Variants in ZPBP observed in about 807,000 individuals in gnomAD.
ZPBP encodes the protein zona pellucida-binding protein 1.
ZPBP carries 26 observed loss-of-function variants against 44.8 expected under a neutral mutation model. The observed-to-expected ratio is 0.58, with a 90% CI of 0.43 to 0.81. The LOEUF (loss-of-function observed/expected upper bound fraction) is 0.81, where lower values mean the gene tolerates loss of function less well. Among genes scored for constraint, ZPBP ranks in the 30% least tolerant of loss-of-function variants. The probability of loss-of-function intolerance (pLI) is 0.00; values close to 1 mark genes in which losing one functional copy is unlikely to be tolerated. For missense variants in ZPBP, 409 were observed against 434.0 expected (o/e 0.94, Z 0.51); for synonymous variants, 174 against 153.2 (o/e 1.14, Z -1.00).
At chr7:49,850,697 A>G (rs1790141757) in intron 2 of ZPBP, among the ~76,000 whole-genome samples, 1 of 152,252 alleles carries the variant, frequency 6.6e-6, no homozygotes, top group South Asian at 2.1e-4. Context: ...GTGTCAGACA[A>G]CTTGTGTTCA....
intron 5 of ZPBP, among the ~76,000 whole-genome samples, chr7:50,025,832 T>C (rs1159830674): frequency 1.3e-4 from 19 of 151,674 alleles, no homozygotes; most frequent in Admixed American, 2.6e-4. Flanking sequence ...CCACACAACA[T>C]AGAAAATGTG....
intron 1 of ZPBP, among the ~76,000 whole-genome samples, chr7:49,930,650 A>G (rs1448024943): frequency 6.6e-6 from 1 of 152,224 alleles, no homozygotes; most frequent in Non-Finnish European, 1.5e-5. Context: ...AGAAATTGGT[A>G]TAATCCTTAG....
intron 6 of ZPBP, among the ~76,000 whole-genome samples, chr7:49,992,913 T>G (rs1391220246): frequency 6.6e-6 from 1 of 152,008 alleles, no homozygotes; most frequent in Non-Finnish European, 1.5e-5. Context: ...AAACAGACAC[T>G]GATATTCTGA....
At chr7:49,859,784 GTGCGTGCACACA>G (rs1314486050) in intron 2 of ZPBP, among the ~76,000 whole-genome samples, 2 of 71,482 alleles carry the variant, frequency 2.8e-5, no homozygotes, top group Non-Finnish European at 5.6e-5. Context: ...TACAGTGCGC[GTGCGTGCACACA>G]CACACACACA....
rs567997433 is a variant in ZPBP at position 49,877,369 on chromosome 7, A to G, written n.509+23749T>C. Among the ~76,000 whole-genome samples the G allele has an allele frequency of 2.7e-5, 4 of 147,502 alleles. No individual in the cohort carries two copies. The South Asian group carries it at 8.7e-4, about 32-fold the overall frequency. On this transcript the variant is annotated intron_variant and non_coding_transcript_variant, in intron 2 of 2. Coordinates refer to the ZPBP transcript ENST00000465922. ...CCCAGCTACTTGGGAGGCTGAGACA[A>G]GAGAATCACTTGAACCTGGGAGGCA...
At chr7:50,080,841 G>T (rs1270612679) in intron 3 of ZPBP, among the ~76,000 whole-genome samples, 1 of 151,682 alleles carries the variant, frequency 6.6e-6, no homozygotes, top group Non-Finnish European at 1.5e-5. Context: ...CTTTGCTAGT[G>T]TAGTGAGGCA....
chr7:49,848,400 A>G (rs1790043456), downstream of ZPBP, among the ~76,000 whole-genome samples: 1 of 152,186 alleles, frequency 6.6e-6, no homozygotes. Context: ...AGTGTGTGAG[A>G]GCCGGGCATG....
intron 3 of ZPBP, among the ~76,000 whole-genome samples, chr7:50,067,348 T>G (rs982678450): frequency 9.2e-5 from 14 of 152,194 alleles, no homozygotes; most frequent in African/African-American, 3.4e-4. Flanking sequence ...AAAATCTTTT[T>G]TTTTCCTTCG....
At chr7:50,036,664 A>G (rs1015088209) in intron 4 of ZPBP, among the ~76,000 whole-genome samples, 25 of 152,216 alleles carry the variant, frequency 1.6e-4, no homozygotes, top group Admixed American at 6.5e-5. Flanking sequence ...AAATCATAGT[A>G]AATATGACTA....
intron 4 of ZPBP, among the ~76,000 whole-genome samples, chr7:50,036,159 C>A (rs959121377): frequency 6.6e-6 from 1 of 152,092 alleles, no homozygotes; most frequent in African/African-American, 2.4e-5. Flanking sequence ...AAATATGTTT[C>A]TTTGTTTGTT....
chr7:49,960,430 CA>C (rs573846294), intron 7 of ZPBP, among the ~76,000 whole-genome samples: 93 of 140,932 alleles, frequency 6.6e-4, no homozygotes, highest in Non-Finnish European at 1.0e-3. Flanking sequence ...AACAAACAAA[CA>C]AAAAAAAAAC....
intron 7 of ZPBP, among the ~76,000 whole-genome samples, chr7:49,956,109 T>C (rs1268605503): frequency 2.0e-5 from 3 of 152,132 alleles, no homozygotes; most frequent in Admixed American, 2.0e-4. Flanking sequence ...AGCAAAGAGA[T>C]TAAAGTGAAT....
chr7:50,041,580 AAACT>A (rs1306188733), intron 4 of ZPBP, among the ~76,000 whole-genome samples: 1 of 152,210 alleles, frequency 6.6e-6, no homozygotes, highest in African/African-American at 2.4e-5. Context: ...GTTAGAAGGA[AAACT>A]AACAAACAGA....
intron 3 of ZPBP, among the ~76,000 whole-genome samples, chr7:50,063,933 C>G (rs976181422): frequency 6.6e-6 from 1 of 152,094 alleles, no homozygotes; most frequent in Non-Finnish European, 1.5e-5. Context: ...GGTGTGGTAC[C>G]CCCATGACCC....
chr7:50,021,649 CAT>C (rs1799096944), intron 5 of ZPBP, among the ~76,000 whole-genome samples: 1 of 151,980 alleles, frequency 6.6e-6, no homozygotes, highest in Non-Finnish European at 1.5e-5. Flanking sequence ...TGATAAAACA[CAT>C]ACAAGATAAA....
intron 7 of ZPBP, among the ~76,000 whole-genome samples, chr7:49,950,245 A>G (rs1795281261): frequency 6.6e-6 from 1 of 152,000 alleles, no homozygotes; most frequent in African/African-American, 2.4e-5. Context: ...TGAATAGGTT[A>G]AAATAACTAT....
intron 5 of ZPBP, among the ~76,000 whole-genome samples, chr7:50,023,644 A>G (rs1799195598): frequency 2.0e-5 from 3 of 152,118 alleles, no homozygotes; most frequent in African/African-American, 7.2e-5. Context: ...ACACAGTTTC[A>G]AGAAACAGAG....
intron 3 of ZPBP, among the ~76,000 whole-genome samples, chr7:50,069,418 A>G (rs1022347398): frequency 1.3e-5 from 2 of 152,162 alleles, no homozygotes; most frequent in African/African-American, 2.4e-5. Context: ...GTGAGCTGCA[A>G]GCATTTTACA....
At chr7:50,024,911 C>G (rs1435046638) in intron 5 of ZPBP, among the ~76,000 whole-genome samples, 1 of 151,734 alleles carries the variant, frequency 6.6e-6, no homozygotes, top group Non-Finnish European at 1.5e-5. Context: ...GCTTGACTTG[C>G]AATAGTTATT....
Sources: gnomAD v4.1 joint callset for allele counts (sites outside exome capture counted in the v4.1 genomes callset) on GRCh38, gnomAD v4.1.1 for gene constraint, MANE v1.5 for transcripts, NCBI Gene and HGNC (gene_info 2026-07-23, HGNC 2026-07-21) for gene names.